Variants in PIP4K2A observed in about 807,000 individuals in gnomAD.
The protein encoded by PIP4K2A is phosphatidylinositol-5-phosphate 4-kinase type 2 alpha.
Under a neutral mutation model 42.9 loss-of-function variants are expected in PIP4K2A, and 14 were observed. That is an observed-to-expected ratio of 0.33 (90% CI 0.22 to 0.51). PIP4K2A has a LOEUF of 0.51. Among genes scored for constraint, PIP4K2A ranks in the 20% least tolerant of loss-of-function variants. The pLI, the probability that PIP4K2A is intolerant of heterozygous loss-of-function variation, is 0.97. For synonymous variants in PIP4K2A, 192 were observed against 192.2 expected (o/e 1.00, Z 0.01); for missense variants, 434 against 519.8 (o/e 0.83, Z 1.61).
rs550088788 is a variant in PIP4K2A at position 22,606,929 on chromosome 10, A to G, written c.339+998T>C. Among the ~76,000 whole-genome samples, 7 of 152,334 alleles carry G rather than the reference A, an allele frequency of 4.6e-5. No individual in the cohort carries two copies. In the South Asian group the frequency reaches 1.0e-3, roughly 23 times the overall value. On this transcript the variant is annotated intron_variant, in intron 3 of 9. Coordinates refer to ENST00000376573, the MANE Select transcript of PIP4K2A (RefSeq NM_005028.5). ...GATGGGACCCAAGTCTAAACACGAAATTTATCTATTTCATATACACCTTAT... is the reference window on the plus strand; with the variant it reads ...GATGGGACCCAAGTCTAAACACGAAGTTTATCTATTTCATATACACCTTAT...
intron 7 of PIP4K2A, among the ~76,000 whole-genome samples, chr10:22,542,887 G>A (rs1185043240): frequency 3.3e-5 from 5 of 152,178 alleles, no homozygotes; most frequent in Non-Finnish European, 5.9e-5. Context: ...CCCTGACCCC[G>A]TGGCTGGCTG....
At chr10:22,601,357 A>G (rs553676007) in intron 3 of PIP4K2A, among the ~76,000 whole-genome samples, 2 of 152,180 alleles carry the variant, frequency 1.3e-5, no homozygotes, top group East Asian at 3.9e-4. Context: ...GGTGGTAGGA[A>G]CAGTAATTTG....
At chr10:22,686,916 C>T (rs1839775600) in intron 1 of PIP4K2A, among the ~76,000 whole-genome samples, 1 of 152,054 alleles carries the variant, frequency 6.6e-6, no homozygotes, top group Admixed American at 6.6e-5. Flanking sequence ...CATTTAGGGC[C>T]GTCTGTTATG....
chr10:22,577,959 G>GTGAT (rs1837163970), intron 4 of PIP4K2A, among the ~76,000 whole-genome samples: 1 of 152,148 alleles, frequency 6.6e-6, no homozygotes, highest in Admixed American at 6.5e-5. Flanking sequence ...TAGATATTTG[G>GTGAT]TGATAGGAAG....
At chr10:22,611,289 C>A (rs1838030905) in intron 1 of PIP4K2A, among the ~76,000 whole-genome samples, 1 of 151,920 alleles carries the variant, frequency 6.6e-6, no homozygotes, top group African/African-American at 2.4e-5. Context: ...ACTTAGGAGG[C>A]TGATGAAGGA....
At chr10:22,621,297 T>C (rs1395911442) in intron 1 of PIP4K2A, among the ~76,000 whole-genome samples, 1 of 152,206 alleles carries the variant, frequency 6.6e-6, no homozygotes, top group East Asian at 1.9e-4. Flanking sequence ...AAATACTTAA[T>C]GGATGTCAAA....
rs10681238 is a variant in PIP4K2A at position 22,596,205 on chromosome 10, C to CAAAA, written c.340-4428_340-4425dup. Among the ~76,000 whole-genome samples, 174 of 69,232 alleles carry CAAAA rather than the reference C, an allele frequency of 2.5e-3. 6 individuals are homozygous for CAAAA. The highest frequency in any genetic ancestry group is 7.6e-3 in the East Asian group (21 of 2,756). 45.4% of individuals were successfully genotyped at this position (69,232 alleles called of 152,430 possible). ...GGGCAACAAGAGCAAAACTCCGTCTCAAAAAAAAAAAAAAAAAAAAGGATT... is the reference window on the plus strand; with the variant it reads ...GGGCAACAAGAGCAAAACTCCGTCTCAAAAAAAAAAAAAAAAAAAAAAAAGGATT... On this transcript the variant is annotated intron_variant, in intron 3 of 9. Transcript: ENST00000376573.
intron 7 of PIP4K2A, among the ~76,000 whole-genome samples, chr10:22,545,766 A>G (rs993156397): frequency 1.3e-5 from 2 of 152,100 alleles, no homozygotes; most frequent in African/African-American, 2.4e-5. Context: ...GTACAGTGGT[A>G]TGATCACAGA....
At chr10:22,571,778 T>G (rs1836993708) in intron 5 of PIP4K2A, among the ~76,000 whole-genome samples, 1 of 152,180 alleles carries the variant, frequency 6.6e-6, no homozygotes, top group Non-Finnish European at 1.5e-5. Context: ...CCAAACTTCA[T>G]TATTGTGTGA....
At chr10:22,637,804 C>G (rs1002496428) in intron 1 of PIP4K2A, among the ~76,000 whole-genome samples, 1 of 152,182 alleles carries the variant, frequency 6.6e-6, no homozygotes, top group Non-Finnish European at 1.5e-5. Context: ...CGTGTTCATT[C>G]AACAGTCTTG....
chr10:22,662,668 G>C (rs1321954530), intron 1 of PIP4K2A, among the ~76,000 whole-genome samples: 2 of 152,128 alleles, frequency 1.3e-5, no homozygotes, highest in Non-Finnish European at 2.9e-5. Flanking sequence ...CCCGATGACT[G>C]CTTGAATGGT....
chr10:22,628,331 C>T (rs1838488233), intron 1 of PIP4K2A, among the ~76,000 whole-genome samples: 2 of 152,180 alleles, frequency 1.3e-5, no homozygotes, highest in Admixed American at 6.5e-5. Flanking sequence ...TATAAATGTT[C>T]ATATCCATTA....
chr10:22,587,913 G>A (rs921791720), intron 4 of PIP4K2A, among the ~76,000 whole-genome samples: 3 of 152,212 alleles, frequency 2.0e-5, no homozygotes, highest in African/African-American at 7.2e-5. Flanking sequence ...CTGCCAACCT[G>A]AGCAGGGTCC....
At chr10:22,700,051 A>G (rs919712630) in intron 1 of PIP4K2A, among the ~76,000 whole-genome samples, 2 of 152,328 alleles carry the variant, frequency 1.3e-5, no homozygotes, top group Non-Finnish European at 2.9e-5. Context: ...ATTGGAGAGA[A>G]CCCTGAAATG....
At chr10:22,643,377 G>C (rs1249425156) in intron 1 of PIP4K2A, among the ~76,000 whole-genome samples, 1 of 152,162 alleles carries the variant, frequency 6.6e-6, no homozygotes, top group African/African-American at 2.4e-5. Context: ...AAACTGTATG[G>C]CCTAAATACA....
At chr10:22,693,464 CTATT>C (rs1427975872) in intron 1 of PIP4K2A, among the ~76,000 whole-genome samples, 1 of 152,098 alleles carries the variant, frequency 6.6e-6, no homozygotes, top group Non-Finnish European at 1.5e-5. Context: ...AAATGAGAAT[CTATT>C]TATGAGTATT....
Position 22,714,379 on chromosome 10 carries a change from C to T in PIP4K2A, c.-53G>A. Reference sequence around the variant, plus strand: ...CGTGCTCCCGAGGCCGGGGACCCGCCCTCTCTACACCCCGGCCCGGGGAGG... The same window carrying T: ...CGTGCTCCCGAGGCCGGGGACCCGCTCTCTCTACACCCCGGCCCGGGGAGG... On this transcript the variant is annotated 5_prime_UTR_variant, in exon 1 of 10. Transcript: ENST00000376573. 7.3e-7 allele frequency: 1 copy of T among 1,363,920 alleles called. No homozygotes were observed. The highest frequency in any genetic ancestry group is 9.6e-7 in the Non-Finnish European group (1 of 1,042,942). 84.5% of individuals were successfully genotyped at this position (1,363,920 alleles called of 1,614,324 possible). A position where few individuals can be genotyped will look rare whatever the true frequency, so the allele number is the denominator to read the frequency against.
chr10:22,584,836 A>T (rs1240221936), intron 4 of PIP4K2A, among the ~76,000 whole-genome samples: 1 of 152,188 alleles, frequency 6.6e-6, no homozygotes, highest in African/African-American at 2.4e-5. Flanking sequence ...ATATCCAAGT[A>T]CTTTCCAAAT....
chr10:22,699,394 C>T (rs753343952), intron 1 of PIP4K2A, among the ~76,000 whole-genome samples: 7 of 152,012 alleles, frequency 4.6e-5, no homozygotes, highest in Non-Finnish European at 7.4e-5. Context: ...AAGAAAACTT[C>T]TGTTCCTGTT....
Sources: allele counts gnomAD v4.1 joint callset (sites outside exome capture counted in the v4.1 genomes callset), GRCh38; gene constraint gnomAD v4.1.1; transcripts MANE v1.5; gene names NCBI Gene and HGNC (gene_info 2026-07-23, HGNC 2026-07-21).